THRB: variants seen among roughly 807,000 people sequenced by gnomAD.
The protein encoded by THRB is thyroid hormone receptor beta.
In THRB, 12 loss-of-function variants were observed where a neutral mutation model predicts 47.8. The ratio of observed to expected loss-of-function variants is 0.25; its 90% CI spans 0.16 to 0.41. The LOEUF is 0.41. Ranked by LOEUF, THRB falls within the 10% of genes least tolerant of loss-of-function variation. The pLI is 1.00. For missense variants in THRB, 348 were observed against 589.2 expected (o/e 0.59, Z 4.24); for synonymous variants, 218 against 212.2 (o/e 1.03, Z -0.24).
chr3:24,474,525 C>T (rs1695164313), intron 1 of THRB, among the ~76,000 whole-genome samples: 1 of 152,308 alleles, frequency 6.6e-6, no homozygotes, highest in Admixed American at 6.5e-5. Flanking sequence ...TGGCATAAAA[C>T]TATTTGCCAT....
chr3:24,486,903 T>C (rs951224201), intron 1 of THRB, among the ~76,000 whole-genome samples: 1 of 152,178 alleles, frequency 6.6e-6, no homozygotes, highest in African/African-American at 2.4e-5. Flanking sequence ...GATCTCCAGA[T>C]GTTAGAAGTA....
At chr3:24,432,936 G>T (rs1172538965) in intron 1 of THRB, among the ~76,000 whole-genome samples, 1 of 151,958 alleles carries the variant, frequency 6.6e-6, no homozygotes. Flanking sequence ...TCCTATAATG[G>T]TTTATATTTT....
intron 6 of THRB, among the ~76,000 whole-genome samples, chr3:24,151,261 A>T (rs1018923889): frequency 3.9e-5 from 6 of 152,318 alleles, no homozygotes; most frequent in Middle Eastern, 6.8e-3. Flanking sequence ...AAACATAGGG[A>T]ATTTGCATGG....
chr3:24,385,838 C>G (rs1195555705), intron 1 of THRB, among the ~76,000 whole-genome samples: 7 of 152,046 alleles, frequency 4.6e-5, no homozygotes, highest in Non-Finnish European at 1.0e-4. Flanking sequence ...GAATCCTGCC[C>G]TTTTCCTGGA....
intron 1 of THRB, among the ~76,000 whole-genome samples, chr3:24,353,260 C>T (rs1306767728): frequency 6.6e-6 from 1 of 151,494 alleles, no homozygotes; most frequent in Non-Finnish European, 1.5e-5. Flanking sequence ...ATAAGTAACG[C>T]TAAAGGTTTA....
intron 2 of THRB, among the ~76,000 whole-genome samples, chr3:24,312,169 T>C (rs2057800986): frequency 6.6e-6 from 1 of 152,210 alleles, no homozygotes; most frequent in African/African-American, 2.4e-5. Flanking sequence ...TTTGGGAAGT[T>C]TTCCTGACCT....
chr3:24,338,280 C>T (rs770367325), intron 1 of THRB, among the ~76,000 whole-genome samples: 1 of 152,134 alleles, frequency 6.6e-6, no homozygotes, highest in Non-Finnish European at 1.5e-5. Flanking sequence ...TCCTTGACAA[C>T]CCCACACCAA....
chr3:24,262,612 G>C (rs1469137700), intron 3 of THRB, among the ~76,000 whole-genome samples: 1 of 152,158 alleles, frequency 6.6e-6, no homozygotes, highest in Non-Finnish European at 1.5e-5. Context: ...TCTCTGCAAA[G>C]CTTCTCTCCC....
At chr3:24,389,977 C>T (rs570036614) in intron 1 of THRB, among the ~76,000 whole-genome samples, 1 of 152,134 alleles carries the variant, frequency 6.6e-6, no homozygotes, top group Non-Finnish European at 1.5e-5. Context: ...ATAAAAATGT[C>T]TTCGTAGGTG....
At chr3:24,171,509 T>A (rs1298693147) in intron 5 of THRB, among the ~76,000 whole-genome samples, 3 of 152,152 alleles carry the variant, frequency 2.0e-5, no homozygotes, top group Non-Finnish European at 4.4e-5. Flanking sequence ...ATGTATTTTA[T>A]CTGATTATGA....
chr3:24,488,385 G>T (rs1251375517), intron 1 of THRB, among the ~76,000 whole-genome samples: 1 of 152,200 alleles, frequency 6.6e-6, no homozygotes, highest in East Asian at 1.9e-4. Flanking sequence ...GTATTGAGGT[G>T]TTTGTGCATG....
At chr3:24,445,383 A>C (rs1216986145) in intron 1 of THRB, among the ~76,000 whole-genome samples, 1 of 152,190 alleles carries the variant, frequency 6.6e-6, no homozygotes, top group Non-Finnish European at 1.5e-5. Flanking sequence ...GAGTAATAGT[A>C]GATTTGACTG....
chr3:24,302,793 T>C (rs550868852), intron 2 of THRB, among the ~76,000 whole-genome samples: 2 of 152,358 alleles, frequency 1.3e-5, no homozygotes, highest in Admixed American at 6.5e-5. Context: ...CCAACTAATA[T>C]ATAAGCCCTA....
intron 4 of THRB, among the ~76,000 whole-genome samples, chr3:24,203,090 G>T (rs917407722): frequency 6.6e-6 from 1 of 152,190 alleles, no homozygotes; most frequent in Non-Finnish European, 1.5e-5. Flanking sequence ...AATCTCTCCT[G>T]GAAAATGAAT....
At chr3:24,487,869 A>T (rs1428525779) in intron 1 of THRB, among the ~76,000 whole-genome samples, 1 of 152,230 alleles carries the variant, frequency 6.6e-6, no homozygotes, top group African/African-American at 2.4e-5. Context: ...GCTATCATCA[A>T]TCATTATTTT....
intron 3 of THRB, among the ~76,000 whole-genome samples, chr3:24,269,438 C>CAT (rs1186024694): frequency 1.4e-5 from 2 of 139,336 alleles, no homozygotes; most frequent in Non-Finnish European, 3.0e-5. Flanking sequence ...CACACACACA[C>CAT]ACACTTAAGT....
chr3:24,213,762 G>A (rs898447001), intron 4 of THRB, among the ~76,000 whole-genome samples: 2 of 152,190 alleles, frequency 1.3e-5, no homozygotes, highest in East Asian at 1.9e-4. Flanking sequence ...AGCCAAACCT[G>A]TGACTCTTTA....
At chr3:24,381,995 A>T (rs530423406) in intron 1 of THRB, among the ~76,000 whole-genome samples, 1 of 152,296 alleles carries the variant, frequency 6.6e-6, no homozygotes, top group African/African-American at 2.4e-5. Flanking sequence ...GAAAGAATAC[A>T]AGGAAAGGAG....
chr3:24,334,184 A>G (rs933490193), intron 2 of THRB, among the ~76,000 whole-genome samples: 1 of 152,230 alleles, frequency 6.6e-6, no homozygotes, highest in East Asian at 1.9e-4. Flanking sequence ...CCCTACTGCA[A>G]TAACACAGGT....
Sources: allele counts gnomAD v4.1 joint callset (sites outside exome capture counted in the v4.1 genomes callset), GRCh38; gene constraint gnomAD v4.1.1; transcripts MANE v1.5; gene names NCBI Gene and HGNC (gene_info 2026-07-23, HGNC 2026-07-21).